Variants in SLC26A7 observed in about 807,000 individuals in gnomAD.
SLC26A7 encodes anion exchange transporter.
SLC26A7 carries 59 observed loss-of-function variants against 82.5 expected under a neutral mutation model. The observed-to-expected ratio is 0.72, with a 90% confidence interval of 0.58 to 0.89. The LOEUF (loss-of-function observed/expected upper bound fraction) is 0.89. Among genes scored for constraint, SLC26A7 ranks in the 40% least tolerant of loss-of-function variants. The pLI is 0.00. For synonymous variants in SLC26A7, 271 were observed against 274.3 expected, an observed-to-expected ratio of 0.99 and a Z score of 0.12; for missense variants, 820 against 793.0, an observed-to-expected ratio of 1.03 and a Z score of -0.41.
chr8:91,248,883 A>G (rs1810586047), upstream of SLC26A7, among the ~76,000 whole-genome samples: 3 of 152,172 alleles, frequency 2.0e-5, no homozygotes, highest in South Asian at 6.2e-4. Context: ...CTCTTAGCCC[A>G]TGAGATGAAA....
At chr8:91,348,367 G>A (rs1199947838) in intron 9 of SLC26A7, 1 of 985,064 alleles carries the variant, frequency 1.0e-6, no homozygotes, top group East Asian at 1.1e-4. Context: ...GTAAATGGCT[G>A]GTTTCTCCCT....
intron 9 of SLC26A7, among the ~76,000 whole-genome samples, chr8:91,344,594 G>T (rs1421118275): frequency 6.6e-6 from 1 of 152,148 alleles, no homozygotes; most frequent in Non-Finnish European, 1.5e-5. Flanking sequence ...CATAAAACTA[G>T]CTAATCAAGT....
At chr8:91,308,309 A>T (rs1304668001) in intron 4 of SLC26A7, among the ~76,000 whole-genome samples, 1 of 151,804 alleles carries the variant, frequency 6.6e-6, no homozygotes, top group African/African-American at 2.4e-5. Context: ...AAATACACAT[A>T]ACATAAAATT....
At chr8:91,245,484 T>C (rs1346048117), upstream of SLC26A7, among the ~76,000 whole-genome samples, 2 of 152,186 alleles carry the variant, frequency 1.3e-5, no homozygotes, top group African/African-American at 4.8e-5. Flanking sequence ...GGGTAGAGTA[T>C]GGCCTTCCTT....
At chr8:91,385,252 A>T (rs1814770087) in intron 15 of SLC26A7, among the ~76,000 whole-genome samples, 2 of 152,198 alleles carry the variant, frequency 1.3e-5, no homozygotes, top group Non-Finnish European at 1.5e-5. Context: ...GCAGGATATT[A>T]GCTGTACATT....
Position 91,338,133 on chromosome 8 carries a change from C to G in SLC26A7, c.796-17C>G. ...GTAATGTATATATTTTTTCTTTTTTCAAATGGAACCACACAGATTATTGCT... is the reference window on the plus strand; with the variant it reads ...GTAATGTATATATTTTTTCTTTTTTGAAATGGAACCACACAGATTATTGCT... On this transcript the variant is annotated splice_polypyrimidine_tract_variant and intron_variant, in intron 6 of 18. Coordinates refer to ENST00000276609, the MANE Select transcript of SLC26A7 (RefSeq NM_052832.4). The G allele has an allele frequency of 6.3e-7, 1 of 1,575,812 alleles. No homozygotes were observed. Among genetic ancestry groups the G allele is most frequent in the Non-Finnish European group, 8.6e-7 (1 of 1,167,080 alleles).
At chr8:91,381,767 A>G (rs1814677062) in intron 15 of SLC26A7, among the ~76,000 whole-genome samples, 1 of 152,028 alleles carries the variant, frequency 6.6e-6, no homozygotes, top group Non-Finnish European at 1.5e-5. Context: ...TCTCTTGTTC[A>G]AGTAACGCCC....
At chr8:91,211,488 A>G (rs927394384) in intron 1 of SLC26A7, among the ~76,000 whole-genome samples, 2 of 151,260 alleles carry the variant, frequency 1.3e-5, no homozygotes, top group East Asian at 3.8e-4. Flanking sequence ...AAACAGAGTG[A>G]AAACATGCAC....
At chr8:91,382,521 C>G (rs1324065453) in intron 15 of SLC26A7, among the ~76,000 whole-genome samples, 2 of 152,130 alleles carry the variant, frequency 1.3e-5, no homozygotes, top group Non-Finnish European at 2.9e-5. Flanking sequence ...AAGGTACACA[C>G]TTCTTTTCAA....
At chr8:91,307,642 A>T (rs1812352252) in intron 4 of SLC26A7, among the ~76,000 whole-genome samples, 1 of 114,844 alleles carries the variant, frequency 8.7e-6, no homozygotes, top group Non-Finnish European at 1.8e-5. Context: ...CACTCTGGGG[A>T]CTGTTGTGGG....
intron 15 of SLC26A7, among the ~76,000 whole-genome samples, chr8:91,379,333 T>A (rs1814606331): frequency 6.6e-6 from 1 of 152,042 alleles, no homozygotes; most frequent in South Asian, 2.1e-4. Context: ...AATTTTTAAA[T>A]AAAAATGCAA....
chr8:91,344,475 T>G (rs948102876), intron 9 of SLC26A7, among the ~76,000 whole-genome samples: 2 of 152,180 alleles, frequency 1.3e-5, no homozygotes, highest in Non-Finnish European at 2.9e-5. Context: ...CAAACATTCA[T>G]TGGGAGTCTT....
At chr8:91,340,039 G>A (rs1813358397) in intron 7 of SLC26A7, among the ~76,000 whole-genome samples, 1 of 152,146 alleles carries the variant, frequency 6.6e-6, no homozygotes, top group Non-Finnish European at 1.5e-5. Context: ...AGGAAATGTA[G>A]TCTTCAACAC....
chr8:91,317,118 G>A (rs889830053), intron 4 of SLC26A7, among the ~76,000 whole-genome samples: 1 of 150,592 alleles, frequency 6.6e-6, no homozygotes, highest in African/African-American at 2.4e-5. Flanking sequence ...CATGGTCATG[G>A]CACTGTACTC....
intron 1 of SLC26A7, among the ~76,000 whole-genome samples, chr8:91,211,810 T>A (rs1809931307): frequency 1.3e-5 from 2 of 151,862 alleles, no homozygotes; most frequent in South Asian, 4.2e-4. Context: ...TTCTGCTTCT[T>A]ATGGGGTTTA....
At chr8:91,358,803 C>T (rs1030568737) in intron 11 of SLC26A7, among the ~76,000 whole-genome samples, 1 of 152,080 alleles carries the variant, frequency 6.6e-6, no homozygotes, top group Admixed American at 6.5e-5. Flanking sequence ...AAGCTGGAAA[C>T]CATCATTCGC....
intron 2 of SLC26A7, among the ~76,000 whole-genome samples, chr8:91,282,652 G>T (rs1342525820): frequency 6.6e-6 from 1 of 152,158 alleles, no homozygotes; most frequent in Non-Finnish European, 1.5e-5. Context: ...CAACACAGAG[G>T]AAGTTGAGGG....
At chr8:91,231,535 C>G (rs1810310584) in intron 2 of SLC26A7, among the ~76,000 whole-genome samples, 1 of 152,004 alleles carries the variant, frequency 6.6e-6, no homozygotes, top group African/African-American at 2.4e-5. Flanking sequence ...CGATGAAATA[C>G]TTTTCTTTTC....
At chr8:91,333,401 T>G (rs1296696310) in intron 5 of SLC26A7, among the ~76,000 whole-genome samples, 1 of 152,180 alleles carries the variant, frequency 6.6e-6, no homozygotes, top group East Asian at 1.9e-4. Flanking sequence ...TAAAGACAAA[T>G]AGTTGTATTG....
Sources: allele counts gnomAD v4.1 joint callset (sites outside exome capture counted in the v4.1 genomes callset), GRCh38; gene constraint gnomAD v4.1.1; transcripts MANE v1.5; gene names NCBI Gene and HGNC (gene_info 2026-07-23, HGNC 2026-07-21).